Variants in TCF12 observed in about 807,000 individuals in gnomAD.
TCF12 encodes transcription factor 12.
In TCF12, 45 loss-of-function variants were observed where a neutral mutation model predicts 86.0. The observed-to-expected ratio is 0.52, with a 90% CI of 0.41 to 0.67. The LOEUF is 0.67. TCF12 is among the 30% of genes least tolerant of loss of function. The pLI is 0.00. For synonymous variants in TCF12, 330 were observed against 299.6 expected (o/e 1.10, Z -1.05); for missense variants, 881 against 859.9 (o/e 1.02, Z -0.31).
intron 3 of TCF12, among the ~76,000 whole-genome samples, chr15:56,959,500 A>G (rs2061649400): frequency 6.6e-6 from 1 of 152,322 alleles, no homozygotes; most frequent in South Asian, 2.1e-4. Flanking sequence ...TTTCTCTTTG[A>G]TGACAACTGT....
At chr15:57,063,948 C>T (rs1336041840) in intron 4 of TCF12, 125 bp downstream of exon 4, 10 of 739,350 alleles carry the variant, frequency 1.4e-5, no homozygotes, top group African/African-American at 5.2e-5. Flanking sequence ...AGTAGAATAC[C>T]TAGTACCTTT....
At position 57,075,822 on chromosome 15, in the gene TCF12, C is replaced by CTT. The variant is rs58880076; in HGVS notation, c.222+12000_222+12001insTT. On this transcript the variant is annotated intron_variant, in intron 4 of 20. Transcript: ENST00000333725. Reference sequence around the variant, plus strand: ...TCTTTCTTTCTCTCTCTCTCTCTCTCTCTCTCTCTCTCTTTTCTTTCTTTC... The same window carrying CTT: ...TCTTTCTTTCTCTCTCTCTCTCTCTCTTTCTCTCTCTCTCTTTTCTTTCTTTC... 6.9e-3 allele frequency among the ~76,000 whole-genome samples: 387 copies of CTT among 56,410 alleles called. 11 individuals are homozygous for CTT. The highest frequency in any genetic ancestry group is 8.5e-3 in the African/African-American group (114 of 13,416). The allele number at this position is 56,410 out of a possible 152,430, so 37.0% of individuals were successfully genotyped here.
At chr15:57,170,698 TATATATAA>T (rs2055333460) in intron 6 of TCF12, among the ~76,000 whole-genome samples, 2 of 2,896 alleles carry the variant, frequency 6.9e-4, no homozygotes, top group Non-Finnish European at 1.4e-3. Context: ...TAATATATAT[TATATATAA>T]TATATAATAT....
At chr15:57,070,077 T>G (rs1191635338) in intron 4 of TCF12, among the ~76,000 whole-genome samples, 1 of 152,140 alleles carries the variant, frequency 6.6e-6, no homozygotes, top group Admixed American at 6.5e-5. Flanking sequence ...CTCACTAAAG[T>G]TTGGGGCTTA....
intron 3 of TCF12, among the ~76,000 whole-genome samples, chr15:57,025,698 T>G (rs1463132779): frequency 1.3e-5 from 2 of 152,216 alleles, no homozygotes; most frequent in Non-Finnish European, 2.9e-5. Context: ...ATACAGTGTT[T>G]TTATTTATAA....
intron 6 of TCF12, among the ~76,000 whole-genome samples, chr15:57,179,594 A>C (rs12910832): frequency 0.38 from 57,757 of 151,944 alleles, 13,701 homozygotes; most frequent in Non-Finnish European, 0.53. Context: ...TTGATGGATG[A>C]CTGTCATCTT....
rs1476859015 is a variant in TCF12 at position 56,969,554 on chromosome 15, T to TTG, written c.148+48457_148+48458dup. ...TTGGAGATTTTTTTTTTTTTTTTTT[T>TTG]TGAGACGAGATTTCATTCTGTCACC... On this transcript the variant is annotated intron_variant, in intron 3 of 20. Transcript: ENST00000333725. 2.7e-5 allele frequency among the ~76,000 whole-genome samples: 4 copies of TTG among 145,600 alleles called. No homozygotes were observed. In the East Asian group the frequency reaches 8.0e-4, roughly 29 times the overall value.
intron 3 of TCF12, among the ~76,000 whole-genome samples, chr15:56,976,993 A>G (rs1244595597): frequency 6.6e-6 from 1 of 152,222 alleles, no homozygotes; most frequent in African/African-American, 2.4e-5. Flanking sequence ...CAAGTGCTCA[A>G]TAGCTATATG....
At chr15:57,179,534 G>T (rs1237062918) in intron 6 of TCF12, among the ~76,000 whole-genome samples, 3 of 150,820 alleles carry the variant, frequency 2.0e-5, no homozygotes, top group Non-Finnish European at 2.9e-5. Context: ...CATCTCAAAA[G>T]AAATTTTTTT....
intron 5 of TCF12, among the ~76,000 whole-genome samples, chr15:57,131,796 A>G (rs1008462018): frequency 2.6e-5 from 4 of 152,194 alleles, no homozygotes; most frequent in African/African-American, 9.6e-5. Flanking sequence ...AATTGAACTC[A>G]TTGTTATAAT....
intron 3 of TCF12, among the ~76,000 whole-genome samples, chr15:56,990,001 C>CA (rs200938222): frequency 0.012 from 1,800 of 151,908 alleles, 40 homozygotes; most frequent in African/African-American, 0.042. Flanking sequence ...GATTAAAAGA[C>CA]AAAAAATAAA....
chr15:57,217,137 G>A (rs1347655116), intron 8 of TCF12, among the ~76,000 whole-genome samples: 1 of 152,044 alleles, frequency 6.6e-6, no homozygotes, highest in African/African-American at 2.4e-5. Flanking sequence ...GGAGAACAAT[G>A]AAAAGTAGAA....
intron 3 of TCF12, among the ~76,000 whole-genome samples, chr15:57,061,297 T>G (rs906664669): frequency 3.9e-5 from 6 of 152,136 alleles, no homozygotes; most frequent in Non-Finnish European, 8.8e-5. Context: ...CAAATGTATT[T>G]AAAATACATG....
intron 8 of TCF12, among the ~76,000 whole-genome samples, chr15:57,217,218 A>C (rs2058369082): frequency 6.6e-6 from 1 of 152,282 alleles, no homozygotes; most frequent in East Asian, 1.9e-4. Context: ...CATGTTTAAC[A>C]CTAAATCTTA....
At chr15:57,066,108 A>C (rs2068853076) in intron 4 of TCF12, among the ~76,000 whole-genome samples, 1 of 152,084 alleles carries the variant, frequency 6.6e-6, no homozygotes, top group Non-Finnish European at 1.5e-5. Context: ...TCTCCTTGGC[A>C]ACTCTTCTTG....
intron 12 of TCF12, among the ~76,000 whole-genome samples, chr15:57,242,461 G>T (rs1263749626): frequency 6.6e-6 from 1 of 152,110 alleles, no homozygotes; most frequent in Non-Finnish European, 1.5e-5. Flanking sequence ...GGCCAAAGCG[G>T]GTGGATCACC....
chr15:57,181,885 C>G (rs1028415927), intron 6 of TCF12, among the ~76,000 whole-genome samples: 6 of 151,988 alleles, frequency 3.9e-5, no homozygotes, highest in Non-Finnish European at 7.4e-5. Context: ...TAATTATTCT[C>G]TAGTATTAGA....
chr15:57,029,321 A>T (rs1197796488), intron 3 of TCF12, among the ~76,000 whole-genome samples: 2 of 151,936 alleles, frequency 1.3e-5, no homozygotes. Flanking sequence ...TCTTGTATTA[A>T]TCATTATGTC....
intron 3 of TCF12, among the ~76,000 whole-genome samples, chr15:57,027,228 C>T (rs2141307428): frequency 6.6e-6 from 1 of 152,304 alleles, no homozygotes; most frequent in South Asian, 2.1e-4. Flanking sequence ...AGTTAGTTTT[C>T]TTCAACACCT....
Sources: allele counts gnomAD v4.1 joint callset (sites outside exome capture counted in the v4.1 genomes callset), GRCh38; gene constraint gnomAD v4.1.1; transcripts MANE v1.5; gene names NCBI Gene and HGNC (gene_info 2026-07-23, HGNC 2026-07-21).